Variants in EPB41 observed in about 807,000 individuals in gnomAD.
The protein encoded by EPB41 is erythrocyte membrane protein band 4.1, also known as protein 4.1.
In EPB41, 65 loss-of-function variants were observed where a neutral mutation model predicts 108.0. That is an observed-to-expected ratio of 0.60 (90% CI 0.49 to 0.74). The LOEUF is 0.74. Ranked by LOEUF, EPB41 falls within the 30% of genes least tolerant of loss-of-function variation. EPB41 has a pLI of 0.00. For synonymous variants in EPB41, 336 were observed against 358.9 expected (o/e 0.94, Z 0.72); for missense variants, 875 against 1,037.0 (o/e 0.84, Z 2.15).
At chr1:28,893,468 T>A (rs1286502020) in intron 1 of EPB41, 1 of 152,246 alleles carries the variant, frequency 6.6e-6, no homozygotes, top group Non-Finnish European at 1.5e-5. Flanking sequence ...GTAAGCTCCA[T>A]AAGTACAGGG....
chr1:29,112,431 GA>G lies in EPB41; in HGVS notation c.2480del (p.Asp827ValfsTer24), dbSNP rs1403179173. The G allele has an allele frequency of 6.2e-7, 1 of 1,613,866 alleles. No homozygotes were observed. Among genetic ancestry groups the G allele is most frequent in the East Asian group, 2.2e-5 (1 of 44,894 alleles). ...GAGAATTGTGATCACAGGAGATGCT[GA>G]TATTGACCATGATCAGGTGGGAATG... ...EKRIVITGDADIDHDQVLVQA... is the reference protein window; with the variant it reads ...EKRIVITGDAXIDHDQVLVQA... On this transcript the variant is annotated frameshift_variant, in exon 19 of 21. Coordinates refer to ENST00000343067, the MANE Select transcript of EPB41 (RefSeq NM_001376013.1). LOFTEE classifies it high-confidence loss of function.
Position 28,903,322 on chromosome 1 carries a change from C to CTTTTTTT in EPB41, c.-8+16115_-8+16116insTTTTTTT, listed in dbSNP as rs1469847584. Among the ~76,000 whole-genome samples, 39 of 144,392 alleles carry CTTTTTTT rather than the reference C, an allele frequency of 2.7e-4. 2 individuals are homozygous for CTTTTTTT. Among genetic ancestry groups the CTTTTTTT allele is most frequent in the African/African-American group, 7.5e-4 (28 of 37,538 alleles). 94.7% of individuals were successfully genotyped at this position (144,392 alleles called of 152,430 possible). A position where few individuals can be genotyped will look rare whatever the true frequency, so the allele number is the denominator to read the frequency against. ...CTGAGACTCTATTTCTTTTTCTTTT[C>CTTTTTTT]TTTCTTTTTTTTTTTTTTTTGAGCT... is the stretch of plus-strand genomic sequence containing the variant. On this transcript the variant is annotated intron_variant, in intron 1 of 16. Transcript: ENST00000347529.
intron 1 of EPB41, among the ~76,000 whole-genome samples, chr1:28,952,996 C>T (rs1352635152): frequency 2.6e-5 from 4 of 151,958 alleles, no homozygotes; most frequent in African/African-American, 4.8e-5. Flanking sequence ...CCCAAAGTGC[C>T]GGGATTACAG....
At chr1:28,959,991 TTTTTC>T (rs1239352411) in intron 1 of EPB41, among the ~76,000 whole-genome samples, 1 of 151,012 alleles carries the variant, frequency 6.6e-6, no homozygotes, top group Non-Finnish European at 1.5e-5. Context: ...CCTTTCTTTT[TTTTTC>T]TTTTCTTTTT....
intron 1 of EPB41, among the ~76,000 whole-genome samples, chr1:28,917,455 A>G (rs1197664837): frequency 6.6e-6 from 1 of 151,830 alleles, no homozygotes; most frequent in African/African-American, 2.4e-5. Context: ...TAACTTTTGT[A>G]TTTTTAGTAG....
At position 29,115,812 on chromosome 1, in the gene EPB41, C is replaced by A; in HGVS notation, c.*6+9C>A. The A allele has an allele frequency of 6.2e-7, 1 of 1,607,504 alleles. No individual in the cohort carries two copies. The highest frequency in any genetic ancestry group is 8.5e-7 in the Non-Finnish European group (1 of 1,174,232). On this transcript the variant is annotated intron_variant, in intron 20 of 20. Transcript: ENST00000343067. This position sits in a 1 kb window ranked among gnomAD's most constrained non-coding sequence, Gnocchi z 4.4. ...CTGATGAGTGAGCTCAGGTACTGGG[C>A]GTTCCTGCTGGGGCTGAGGGTGCCC...
chr1:29,011,687 G>C (rs1391986055), intron 4 of EPB41, among the ~76,000 whole-genome samples, 178 bp from the exon 5 acceptor site: 3 of 152,176 alleles, frequency 2.0e-5, no homozygotes, highest in Non-Finnish European at 4.4e-5. Flanking sequence ...CCAAATGTCA[G>C]GGTCCCTTTT....
At chr1:29,064,931 T>G in intron 15 of EPB41, 51 bp from the exon 16 acceptor site, 3 of 1,611,440 alleles carry the variant, frequency 1.9e-6, no homozygotes, top group Non-Finnish European at 2.5e-6. Context: ...CTTGATTATG[T>G]TCTTTGTCCT....
chr1:28,960,509 C>T (rs1399386089), intron 1 of EPB41, among the ~76,000 whole-genome samples: 1 of 141,362 alleles, frequency 7.1e-6, no homozygotes. Context: ...GGGAGGATCA[C>T]TTGAGCGCAG....
intron 7 of EPB41, among the ~76,000 whole-genome samples, chr1:29,020,263 T>A (rs1044871835): frequency 2.0e-5 from 3 of 151,892 alleles, no homozygotes; most frequent in Non-Finnish European, 4.4e-5. Context: ...GAGACGGGGT[T>A]TCACCATCTT....
chr1:29,077,036 C>T (rs542222861), intron 16 of EPB41, among the ~76,000 whole-genome samples: 23 of 152,204 alleles, frequency 1.5e-4, no homozygotes, highest in African/African-American at 2.6e-4. Flanking sequence ...TCACAGGTGG[C>T]GATGGATAAA....
chr1:29,065,388 C>A, intron 16 of EPB41: 1 of 546,008 alleles, frequency 1.8e-6, no homozygotes, highest in Non-Finnish European at 2.9e-6. Flanking sequence ...AGATGATTAG[C>A]CTCTGAGAAC....
At chr1:29,051,752 G>A (rs1472318778) in intron 11 of EPB41, among the ~76,000 whole-genome samples, 1 of 152,022 alleles carries the variant, frequency 6.6e-6, no homozygotes, top group Non-Finnish European at 1.5e-5. Context: ...CAAAAAATTA[G>A]CCAGGCATGG....
intron 16 of EPB41, among the ~76,000 whole-genome samples, chr1:29,068,426 T>C (rs949223323): frequency 1.3e-5 from 2 of 152,172 alleles, no homozygotes; most frequent in African/African-American, 4.8e-5. Flanking sequence ...TCAGGGTTGG[T>C]TTTGGGAATG....
intron 1 of EPB41, among the ~76,000 whole-genome samples, chr1:28,900,287 CTTCTTTT>C (rs2091140684): frequency 6.7e-6 from 1 of 149,328 alleles, no homozygotes; most frequent in Non-Finnish European, 1.5e-5. Flanking sequence ...TTTACTTCTT[CTTCTTTT>C]TTTTTTTTTT....
chr1:28,927,297 A>G (rs1458371810), intron 1 of EPB41, among the ~76,000 whole-genome samples: 1 of 152,174 alleles, frequency 6.6e-6, no homozygotes, highest in Non-Finnish European at 1.5e-5. Context: ...GGAGAAGCGC[A>G]TATTGTGTTC....
At chr1:29,100,298 G>A (rs1028021135) in intron 17 of EPB41, among the ~76,000 whole-genome samples, 15 of 95,706 alleles carry the variant, frequency 1.6e-4, no homozygotes, top group African/African-American at 3.5e-4. Context: ...GAGAAACCCC[G>A]TCTCTACTAA....
intron 16 of EPB41, among the ~76,000 whole-genome samples, chr1:29,082,157 C>T (rs1449472620): frequency 6.6e-6 from 1 of 152,182 alleles, no homozygotes; most frequent in East Asian, 1.9e-4. Flanking sequence ...CGGAGTCTCA[C>T]TCTGTCACCC....
At chr1:28,954,588 T>C (rs2094870758) in intron 1 of EPB41, among the ~76,000 whole-genome samples, 1 of 152,242 alleles carries the variant, frequency 6.6e-6, no homozygotes, top group Non-Finnish European at 1.5e-5. Context: ...AGTAACTTTT[T>C]TTTAAGGAAA....
Sources: gnomAD v4.1 joint callset for allele counts (sites outside exome capture counted in the v4.1 genomes callset) on GRCh38, gnomAD v4.1.1 for gene constraint, Gnocchi (gnomAD v3.1) non-coding constraint, MANE v1.5 for transcripts, NCBI Gene and HGNC (gene_info 2026-07-23, HGNC 2026-07-21) for gene names.